The following LYPD6B variants were observed in gnomAD, a reference collection of about 807,000 sequenced individuals.
LYPD6B encodes LY6/PLAUR domain containing 6B.
Under a neutral mutation model 22.8 loss-of-function variants are expected in LYPD6B, and 17 were observed. The ratio of observed to expected loss-of-function variants is 0.75; its 90% CI spans 0.51 to 1.12. The LOEUF is 1.12. Among genes scored for constraint, LYPD6B ranks in the 50% most tolerant of loss-of-function variants. The pLI is 0.00. For synonymous variants in LYPD6B, 106 were observed against 91.6 expected (o/e 1.16, Z -0.90); for missense variants, 221 against 258.3 (o/e 0.86, Z 0.99).
intron 1 of LYPD6B, among the ~76,000 whole-genome samples, chr2:149,082,340 C>A (rs1178531216): frequency 6.6e-6 from 1 of 152,174 alleles, no homozygotes; most frequent in African/African-American, 2.4e-5. Context: ...GCTTTCACTG[C>A]CATGATAGAC....
intron 1 of LYPD6B, among the ~76,000 whole-genome samples, chr2:149,128,444 T>C (rs1313449854): frequency 6.6e-6 from 1 of 152,228 alleles, no homozygotes; most frequent in Non-Finnish European, 1.5e-5. Context: ...GTTCTAATCA[T>C]TGGCACTGCA....
chr2:149,164,842 A>G (rs1315068323), intron 3 of LYPD6B, among the ~76,000 whole-genome samples: 1 of 152,214 alleles, frequency 6.6e-6, no homozygotes, highest in Admixed American at 6.5e-5. Flanking sequence ...TGTTTGAAAT[A>G]CTATTGATAA....
intron 2 of LYPD6B, among the ~76,000 whole-genome samples, chr2:149,138,057 A>G (rs13011264): frequency 0.28 from 42,011 of 152,146 alleles, 6,398 homozygotes; most frequent in East Asian, 0.54. Flanking sequence ...CTTATAAGCT[A>G]GAGTAATATC....
chr2:149,100,286 G>T (rs1378660543), intron 1 of LYPD6B, among the ~76,000 whole-genome samples: 1 of 152,016 alleles, frequency 6.6e-6, no homozygotes, highest in East Asian at 1.9e-4. Context: ...CTCATGAACT[G>T]ATGCCGGTTT....
chr2:149,112,333 T>C (rs1032291851), intron 1 of LYPD6B, among the ~76,000 whole-genome samples: 14 of 152,152 alleles, frequency 9.2e-5, no homozygotes, highest in Non-Finnish European at 1.5e-4. Flanking sequence ...TGATTTTTTT[T>C]CCCAATCAAG....
At position 149,214,702 on chromosome 2, in the gene LYPD6B, T is replaced by A. The variant is rs143100530; in HGVS notation, c.616T>A (p.Leu206Met). The A allele has an allele frequency of 2.9e-3, 4,635 of 1,613,998 alleles. 152 individuals carry two copies. In the Admixed American group the frequency reaches 0.061, roughly 21 times the overall value. Reference protein sequence around the residue: ...PVLAWVFVLPLL With the variant: ...PVLAWVFVLPML ...GCTTGCCTGGGTCTTTGTGCTTCCATTGCTGTGATGCCACCATTCCTAGGA... is the reference window on the plus strand; with the variant it reads ...GCTTGCCTGGGTCTTTGTGCTTCCAATGCTGTGATGCCACCATTCCTAGGA... The change falls in exon 7 of 7, where the codon TTG becomes ATG. Residue 206 changes from leucine (L) to methionine (M), a missense_variant. Coordinates refer to ENST00000409642, the MANE Select transcript of LYPD6B (RefSeq NM_177964.5).
chr2:149,121,477 C>G (rs970234640), intron 1 of LYPD6B, among the ~76,000 whole-genome samples: 8 of 152,116 alleles, frequency 5.3e-5, no homozygotes, highest in African/African-American at 1.9e-4. Flanking sequence ...GCAGTCCCAG[C>G]AGAACACAGA....
intron 1 of LYPD6B, among the ~76,000 whole-genome samples, chr2:149,072,170 G>A (rs995363782): frequency 1.3e-5 from 2 of 152,196 alleles, no homozygotes; most frequent in Non-Finnish European, 2.9e-5. Flanking sequence ...GATCTCAAGT[G>A]ATCTGCCCTC....
chr2:149,120,388 T>TTG (rs1559010127), intron 1 of LYPD6B, among the ~76,000 whole-genome samples: 1 of 87,250 alleles, frequency 1.1e-5, no homozygotes, highest in African/African-American at 4.9e-5. Flanking sequence ...TATATATTTT[T>TTG]TTTTTTTTTT....
intron 1 of LYPD6B, among the ~76,000 whole-genome samples, chr2:149,040,131 CAG>C (rs1021815830): frequency 6.6e-6 from 1 of 151,986 alleles, no homozygotes; most frequent in Non-Finnish European, 1.5e-5. Flanking sequence ...TCTGCTCCTT[CAG>C]AGAGAGAGAC....
chr2:149,096,124 T>A (rs78309536), intron 1 of LYPD6B, among the ~76,000 whole-genome samples: 3,177 of 149,396 alleles, frequency 0.021, 119 homozygotes, highest in African/African-American at 0.074. Context: ...GAAGAGAGAA[T>A]GGCTCACAGA....
At chr2:149,181,379 C>T (rs573852286) in intron 3 of LYPD6B, among the ~76,000 whole-genome samples, 1 of 152,182 alleles carries the variant, frequency 6.6e-6, no homozygotes, top group Non-Finnish European at 1.5e-5. Flanking sequence ...TAGCCAGAGT[C>T]GTTCAGCTTT....
At chr2:149,065,548 C>G (rs564614900) in intron 1 of LYPD6B, among the ~76,000 whole-genome samples, 22 of 152,224 alleles carry the variant, frequency 1.4e-4, no homozygotes, top group Admixed American at 7.2e-4. Context: ...GGAGAGAACC[C>G]GAGCTAGACT....
intron 3 of LYPD6B, among the ~76,000 whole-genome samples, chr2:149,179,486 A>G (rs1259797052): frequency 6.6e-6 from 1 of 152,218 alleles, no homozygotes; most frequent in Non-Finnish European, 1.5e-5. Context: ...GACAGACTCT[A>G]TAGCTCAGAT....
chr2:149,062,939 C>G (rs1276338560), intron 1 of LYPD6B, among the ~76,000 whole-genome samples: 1 of 144,294 alleles, frequency 6.9e-6, no homozygotes, highest in African/African-American at 2.6e-5. Context: ...GCAGATTTTC[C>G]TGAGTGTCCC....
At chr2:149,140,704 C>T (rs1258835553) in intron 2 of LYPD6B, among the ~76,000 whole-genome samples, 1 of 152,236 alleles carries the variant, frequency 6.6e-6, no homozygotes, top group Non-Finnish European at 1.5e-5. Flanking sequence ...TTTTCCCTCA[C>T]TTTTATGATT....
chr2:149,111,399 A>T (rs1361860765), intron 1 of LYPD6B, among the ~76,000 whole-genome samples: 2 of 152,140 alleles, frequency 1.3e-5, no homozygotes, highest in Admixed American at 1.3e-4. Context: ...GGTGAAGGTG[A>T]TGAAAAATCA....
chr2:149,120,383 A>ATATTTTTTTTTTTTTTTT (rs1327065975), intron 1 of LYPD6B, among the ~76,000 whole-genome samples: 1 of 48,614 alleles, frequency 2.1e-5, no homozygotes, highest in African/African-American at 1.1e-4. Flanking sequence ...ATATATATAT[A>ATATTTTTTTTTTTTTTTT]TTTTTTTTTT....
intron 1 of LYPD6B, among the ~76,000 whole-genome samples, chr2:149,123,360 G>T (rs1444236660): frequency 6.6e-6 from 1 of 152,092 alleles, no homozygotes; most frequent in South Asian, 2.1e-4. Context: ...AGGATTTTGG[G>T]CCTGGTTTTA....
Sources: allele counts gnomAD v4.1 joint callset (sites outside exome capture counted in the v4.1 genomes callset), GRCh38; gene constraint gnomAD v4.1.1; transcripts MANE v1.5; gene names NCBI Gene and HGNC (gene_info 2026-07-23, HGNC 2026-07-21).